SNRPC: variants seen among roughly 807,000 people sequenced by gnomAD.
SNRPC encodes the protein small nuclear ribonucleoprotein polypeptide C.
In SNRPC, 5 loss-of-function variants were observed where a neutral mutation model predicts 20.0. That is an observed-to-expected ratio of 0.25 (90% CI 0.13 to 0.53). The LOEUF (loss-of-function observed/expected upper bound fraction) is 0.53, where lower values mean the gene tolerates loss of function less well. Ranked by LOEUF, SNRPC falls within the 20% of genes least tolerant of loss-of-function variation. SNRPC has a pLI of 0.96. For synonymous variants in SNRPC, 61 were observed against 58.7 expected (o/e 1.04, Z -0.18); for missense variants, 112 against 224.1 (o/e 0.50, Z 3.19).
At chr6:34,763,282 C>T (rs1314467374) in intron 3 of SNRPC, among the ~76,000 whole-genome samples, 1 of 152,142 alleles carries the variant, frequency 6.6e-6, no homozygotes, top group African/African-American at 2.4e-5. Flanking sequence ...GGAGATATTG[C>T]ATTTTTACTT....
At chr6:34,766,876 G>A (rs914093640) in intron 3 of SNRPC, among the ~76,000 whole-genome samples, 5 of 152,140 alleles carry the variant, frequency 3.3e-5, no homozygotes, top group Admixed American at 3.3e-4. Context: ...CCTTTGCATT[G>A]GTGGGAGTGG....
chr6:34,764,300 A>G (rs1012191232), intron 3 of SNRPC, among the ~76,000 whole-genome samples: 1 of 151,658 alleles, frequency 6.6e-6, no homozygotes, highest in Admixed American at 6.6e-5. Flanking sequence ...AACATGGAGA[A>G]ACCCCGTCTC....
At chr6:34,771,660 A>C (rs1764693671) in intron 5 of SNRPC, among the ~76,000 whole-genome samples, 1 of 152,232 alleles carries the variant, frequency 6.6e-6, no homozygotes, top group African/African-American at 2.4e-5. Context: ...TGACATAATC[A>C]GGTTTGGGAA....
At chr6:34,757,713 T>C in intron 1 of SNRPC, 162 bp downstream of exon 1, 1 of 1,426,364 alleles carries the variant, frequency 7.0e-7, no homozygotes. Flanking sequence ...CACCCCATTT[T>C]AGAGTGCAGA....
chr6:34,767,106 T>C (rs1408424583), intron 3 of SNRPC, among the ~76,000 whole-genome samples: 2 of 152,266 alleles, frequency 1.3e-5, no homozygotes, highest in Admixed American at 1.3e-4. Context: ...TTGAAATCTT[T>C]GTATGTTTTA....
intron 1 of SNRPC, 172 bp from the exon 2 acceptor site, chr6:34,757,740 C>T (rs778948563): frequency 1.6e-5 from 25 of 1,516,182 alleles, no homozygotes; most frequent in African/African-American, 2.8e-5. Context: ...CCGCTTAAGG[C>T]AACAAAAAAA....
rs148621757 is a variant in SNRPC, at chr6:34,760,909, G to A, written c.52-1686G>A. 1.1e-4 allele frequency among the ~76,000 whole-genome samples: 16 copies of A among 151,954 alleles called. No homozygotes were observed. The East Asian group carries it at 2.6e-3, about 24-fold the overall frequency. On this transcript the variant is annotated intron_variant, in intron 2 of 5. Coordinates refer to ENST00000244520, the MANE Select transcript of SNRPC (RefSeq NM_003093.3). ...AAATACAAAAAAAAATTAGCTGGGT[G>A]TAGTGGCACGCGCCTATAGTCCCAG...
At chr6:34,761,836 A>G (rs970243344) in intron 2 of SNRPC, among the ~76,000 whole-genome samples, 1 of 151,436 alleles carries the variant, frequency 6.6e-6, no homozygotes, top group Non-Finnish European at 1.5e-5. Flanking sequence ...TTTTGGAGAT[A>G]GGATTTTGCT....
At chr6:34,758,068 C>T in intron 2 of SNRPC, 114 bp downstream of exon 2, 1 of 1,106,802 alleles carries the variant, frequency 9.0e-7, no homozygotes, top group Non-Finnish European at 1.3e-6. Flanking sequence ...GGTTTAAGGT[C>T]TACTCCTTGA....
At chr6:34,769,469 A>G (rs1764659148) in intron 4 of SNRPC, among the ~76,000 whole-genome samples, 2 of 152,084 alleles carry the variant, frequency 1.3e-5, no homozygotes, top group Non-Finnish European at 2.9e-5. Flanking sequence ...CTGGGATTAC[A>G]GGCTTGAGCC....
chr6:34,758,087 A>ACCTCCAATTAT, intron 2 of SNRPC, 133 bp downstream of exon 2: 3 of 947,162 alleles, frequency 3.2e-6, no homozygotes, highest in Non-Finnish European at 4.7e-6. Flanking sequence ...GAAGAAAATA[A>ACCTCCAATTAT]TTGGAGGTTA....
At chr6:34,771,864 A>C (rs1408567256) in intron 5 of SNRPC, among the ~76,000 whole-genome samples, 1 of 152,208 alleles carries the variant, frequency 6.6e-6, no homozygotes, top group Non-Finnish European at 1.5e-5. Flanking sequence ...TGGCTTTAGC[A>C]TCCTTAAACC....
At position 34,759,843 on chromosome 6, in the gene SNRPC, C is replaced by T. The variant is rs78932018; in HGVS notation, c.51+1889C>T. On this transcript the variant is annotated intron_variant, in intron 2 of 5. Transcript: ENST00000244520. ...GAACCATACCTTGAACACTGCAGCTCTATGCTTTGCTGTCTCTGTAGAAAT... is the reference window on the plus strand; with the variant it reads ...GAACCATACCTTGAACACTGCAGCTTTATGCTTTGCTGTCTCTGTAGAAAT... 6.8e-3 allele frequency among the ~76,000 whole-genome samples: 1,033 copies of T among 152,302 alleles called. 13 individuals carry two copies. Among genetic ancestry groups the T allele is most frequent in the African/African-American group, 0.023 (972 of 41,578 alleles).
intron 3 of SNRPC, among the ~76,000 whole-genome samples, chr6:34,767,229 T>G (rs542622252): frequency 6.6e-6 from 1 of 152,366 alleles, no homozygotes; most frequent in Admixed American, 6.5e-5. Context: ...CCTAGCTTTT[T>G]GGGCACGTAT....
chr6:34,762,086 T>C (rs1348137193), intron 2 of SNRPC, among the ~76,000 whole-genome samples: 3 of 152,090 alleles, frequency 2.0e-5, no homozygotes, highest in African/African-American at 4.8e-5. Flanking sequence ...AGAGGATCAC[T>C]TGAGCCTAGG....
rs566238299 is a variant in SNRPC at position 34,767,429 on chromosome 6, C to T, written c.161-479C>T. On this transcript the variant is annotated intron_variant, in intron 3 of 5. Transcript: ENST00000244520. The stretch of plus-strand genomic sequence containing the variant: ...TGGACTCAGGAGTTTGAGACCAGCC[C>T]GGGCAATATGGTGAAACCCGGTCTC... Among the ~76,000 whole-genome samples the T allele has an allele frequency of 1.8e-3, 281 of 152,246 alleles. 1 individual carries two copies. The highest frequency in any genetic ancestry group is 7.7e-3 in the South Asian group (37 of 4,824).
At position 34,773,413 on chromosome 6, in the gene SNRPC, C is replaced by T. The variant is rs550403916; in HGVS notation, c.356-33C>T. 9 of 1,604,154 alleles carry T rather than the reference C, an allele frequency of 5.6e-6. No homozygotes were observed. In the East Asian group the frequency reaches 8.9e-5, roughly 16 times the overall value. ...TCCCTAAATCGTATTTTCTGACTCCCTTTTTCTCCCTCTTCTTTGTTTTGT... is the reference window on the plus strand; with the variant it reads ...TCCCTAAATCGTATTTTCTGACTCCTTTTTTCTCCCTCTTCTTTGTTTTGT... On this transcript the variant is annotated intron_variant, in intron 5 of 5. Transcript: ENST00000244520. The surrounding 1 kb of genome is among the most constrained non-coding windows in gnomAD (Gnocchi z 4.1).
At chr6:34,759,677 TA>T (rs772207234) in intron 2 of SNRPC, among the ~76,000 whole-genome samples, 13 of 152,230 alleles carry the variant, frequency 8.5e-5, no homozygotes, top group African/African-American at 2.4e-4. Context: ...TGATTCATTC[TA>T]AAGTACCAGG....
intron 3 of SNRPC, among the ~76,000 whole-genome samples, chr6:34,763,706 TTTTTTATTTA>T (rs974084933): frequency 5.3e-5 from 8 of 150,790 alleles, no homozygotes; most frequent in East Asian, 2.0e-4. Flanking sequence ...AAAATTTGTA[TTTTTTATTTA>T]TTTTTATTTA....
Sources: gnomAD v4.1 joint callset for allele counts (sites outside exome capture counted in the v4.1 genomes callset) on GRCh38, gnomAD v4.1.1 for gene constraint, Gnocchi (gnomAD v3.1) non-coding constraint, MANE v1.5 for transcripts, NCBI Gene and HGNC (gene_info 2026-07-23, HGNC 2026-07-21) for gene names.